CHST11: variants seen among roughly 807,000 people sequenced by gnomAD.
The protein encoded by CHST11 is C4S-1.
In CHST11, 9 loss-of-function variants were observed where a neutral mutation model predicts 30.4. The ratio of observed to expected loss-of-function variants is 0.30; its 90% confidence interval spans 0.18 to 0.52. The LOEUF is 0.52. Among genes scored for constraint, CHST11 ranks in the 20% least tolerant of loss-of-function variants. The pLI is 0.97. For synonymous variants in CHST11, 152 were observed against 187.8 expected, an observed-to-expected ratio of 0.81 and a Z score of 1.56; for missense variants, 348 against 460.6, an observed-to-expected ratio of 0.76 and a Z score of 2.24.
chr12:104,751,757 G>A (rs373659691), intron 2 of CHST11, among the ~76,000 whole-genome samples: 8 of 152,262 alleles, frequency 5.3e-5, no homozygotes, highest in South Asian at 2.1e-4. Context: ...CCACCCCTGC[G>A]GGGTAGGTGG....
intron 2 of CHST11, among the ~76,000 whole-genome samples, chr12:104,651,532 C>G (rs2039489189): frequency 6.6e-6 from 1 of 152,138 alleles, no homozygotes; most frequent in Admixed American, 6.5e-5. Flanking sequence ...GGGAGAAGCC[C>G]AGACCTCTCT....
At chr12:104,743,168 C>T (rs180836375) in intron 2 of CHST11, among the ~76,000 whole-genome samples, 2 of 152,346 alleles carry the variant, frequency 1.3e-5, no homozygotes, top group East Asian at 1.9e-4. Context: ...AACTACCTGC[C>T]ATCTCAGAGT....
chr12:104,666,942 A>G (rs1401279447), intron 2 of CHST11, among the ~76,000 whole-genome samples: 1 of 152,208 alleles, frequency 6.6e-6, no homozygotes, highest in Non-Finnish European at 1.5e-5. Context: ...CTCTGTCTGC[A>G]TCACACTCCT....
intron 2 of CHST11, among the ~76,000 whole-genome samples, chr12:104,617,022 G>A (rs544349948): frequency 2.6e-4 from 40 of 152,332 alleles, no homozygotes; most frequent in African/African-American, 8.2e-4. Context: ...GTACTAGTCC[G>A]TGGCAGGGAG....
At chr12:104,638,771 T>A (rs2039348659) in intron 2 of CHST11, among the ~76,000 whole-genome samples, 1 of 152,230 alleles carries the variant, frequency 6.6e-6, no homozygotes, top group South Asian at 2.1e-4. Flanking sequence ...AATTTCTCTA[T>A]CTGAATGGAT....
At chr12:104,527,444 T>C (rs1304924550) in intron 1 of CHST11, among the ~76,000 whole-genome samples, 1 of 152,182 alleles carries the variant, frequency 6.6e-6, no homozygotes, top group Non-Finnish European at 1.5e-5. Context: ...TCTCTTCTCT[T>C]GCCTGAGAAA....
At chr12:104,599,237 A>C (rs1388624129) in intron 1 of CHST11, among the ~76,000 whole-genome samples, 3 of 152,202 alleles carry the variant, frequency 2.0e-5, no homozygotes, top group African/African-American at 7.2e-5. Flanking sequence ...CAAAGAACCC[A>C]AGGTTCAGGC....
intron 2 of CHST11, among the ~76,000 whole-genome samples, chr12:104,602,815 A>G (rs1284821639): frequency 6.6e-6 from 1 of 152,216 alleles, no homozygotes; most frequent in Non-Finnish European, 1.5e-5. Flanking sequence ...GACTAAATTT[A>G]ATACTTCTTT....
chr12:104,725,828 G>A (rs1008775036), intron 2 of CHST11, among the ~76,000 whole-genome samples: 10 of 152,060 alleles, frequency 6.6e-5, no homozygotes, highest in African/African-American at 1.9e-4. Context: ...CGGATGGTCC[G>A]TGGGCAGGTT....
intron 1 of CHST11, among the ~76,000 whole-genome samples, chr12:104,553,741 A>G (rs1166363482): frequency 6.6e-6 from 1 of 152,210 alleles, no homozygotes; most frequent in Non-Finnish European, 1.5e-5. Flanking sequence ...AGCATTGCGA[A>G]TTACAATTCA....
intron 1 of CHST11, among the ~76,000 whole-genome samples, chr12:104,463,916 C>T (rs550253948): frequency 2.0e-5 from 3 of 152,012 alleles, no homozygotes; most frequent in East Asian, 1.9e-4. Flanking sequence ...AGAGACAAGT[C>T]GGAGAGAGAC....
intron 1 of CHST11, among the ~76,000 whole-genome samples, chr12:104,580,335 T>C (rs2038730816): frequency 6.6e-6 from 1 of 152,256 alleles, no homozygotes; most frequent in Non-Finnish European, 1.5e-5. Context: ...GTTCACTGTA[T>C]GCTCTGGCTG....
At chr12:104,562,993 T>A (rs984022220) in intron 1 of CHST11, among the ~76,000 whole-genome samples, 2 of 152,206 alleles carry the variant, frequency 1.3e-5, no homozygotes, top group African/African-American at 2.4e-5. Context: ...GTAACAGAAC[T>A]CACCTCATAG....
intron 2 of CHST11, among the ~76,000 whole-genome samples, chr12:104,621,930 G>A (rs1008930707): frequency 2.0e-5 from 3 of 152,232 alleles, no homozygotes; most frequent in Admixed American, 6.5e-5. Context: ...CAGTCCGGCA[G>A]CAGCGTGGTG....
At chr12:104,621,057 A>G (rs2039154237) in intron 2 of CHST11, among the ~76,000 whole-genome samples, 1 of 151,736 alleles carries the variant, frequency 6.6e-6, no homozygotes, top group Non-Finnish European at 1.5e-5. Context: ...GCTTGTCTCT[A>G]TCAGTTCATT....
At position 104,625,485 on chromosome 12, in the gene CHST11, A is replaced by G. The variant is rs191018972; in HGVS notation, c.204+23494A>G. Among the ~76,000 whole-genome samples, 111 of 152,128 alleles carry G rather than the reference A, an allele frequency of 7.3e-4. 1 individual carries two copies. The highest frequency in any genetic ancestry group is 2.4e-3 in the African/African-American group (100 of 41,502). On this transcript the variant is annotated intron_variant, in intron 2 of 2. Transcript: ENST00000303694. ...ATGCCTGGCTCATTTTTGTGTTTTTAGTAGAGATGGGGTTTCACCATGTTG... is the reference window on the plus strand; with the variant it reads ...ATGCCTGGCTCATTTTTGTGTTTTTGGTAGAGATGGGGTTTCACCATGTTG...
chr12:104,565,544 G>A (rs1205318061), intron 1 of CHST11, among the ~76,000 whole-genome samples: 1 of 152,030 alleles, frequency 6.6e-6, no homozygotes. Context: ...TGGGATTACA[G>A]GCATAAACCA....
At chr12:104,672,345 G>A (rs1453210410) in intron 2 of CHST11, among the ~76,000 whole-genome samples, 1 of 152,180 alleles carries the variant, frequency 6.6e-6, no homozygotes. Flanking sequence ...CAGCTGTCTT[G>A]TGGCAAGTGT....
At chr12:104,529,520 GATT>G (rs1667919856) in intron 1 of CHST11, among the ~76,000 whole-genome samples, 1 of 152,338 alleles carries the variant, frequency 6.6e-6, no homozygotes, top group South Asian at 2.1e-4. Flanking sequence ...GATGTAAATT[GATT>G]TCTCCGTGAT....
Sources: gnomAD v4.1 joint callset for allele counts (sites outside exome capture counted in the v4.1 genomes callset) on GRCh38, gnomAD v4.1.1 for gene constraint, MANE v1.5 for transcripts, NCBI Gene and HGNC (gene_info 2026-07-23, HGNC 2026-07-21) for gene names.